Variants in MMP20 observed in about 807,000 individuals in gnomAD.
The protein encoded by MMP20 is matrix metalloproteinase-20.
MMP20 carries 50 observed loss-of-function variants against 51.8 expected under a neutral mutation model. That is an observed-to-expected ratio of 0.97 (90% CI 0.77 to 1.22). The LOEUF (loss-of-function observed/expected upper bound fraction) is 1.22. MMP20 is among the 50% of genes most tolerant of loss of function. The probability of loss-of-function intolerance (pLI) is 0.00; values close to 1 mark genes in which losing one functional copy is unlikely to be tolerated. For missense variants in MMP20, 663 were observed against 601.4 expected, an observed-to-expected ratio of 1.10 and a Z score of -1.07; for synonymous variants, 244 against 216.2, an observed-to-expected ratio of 1.13 and a Z score of -1.13.
At chr11:102,616,472 TA>T (rs1409238184) in intron 2 of MMP20, among the ~76,000 whole-genome samples, 2 of 152,226 alleles carry the variant, frequency 1.3e-5, no homozygotes, top group Non-Finnish European at 2.9e-5. Context: ...ATTAGTAGGT[TA>T]TTTTTTTCTT....
intron 1 of MMP20, among the ~76,000 whole-genome samples, chr11:102,622,506 A>G (rs1859763933): frequency 6.6e-6 from 1 of 152,092 alleles, no homozygotes; most frequent in Non-Finnish European, 1.5e-5. Flanking sequence ...TCTTTCATGC[A>G]GCTCAGGTTC....
At chr11:102,619,679 T>C (rs2459477) in intron 1 of MMP20, among the ~76,000 whole-genome samples, 113,246 of 152,112 alleles carry the variant, frequency 0.74, 42,559 homozygotes, top group East Asian at 0.98. Flanking sequence ...CCCTGAATCA[T>C]AGAAAAGTAT....
At chr11:102,593,046 C>T (rs1278780197) in intron 8 of MMP20, among the ~76,000 whole-genome samples, 1 of 152,214 alleles carries the variant, frequency 6.6e-6, no homozygotes, top group Non-Finnish European at 1.5e-5. Context: ...GGACCATCTC[C>T]ATTTTGCCCC....
intron 8 of MMP20, among the ~76,000 whole-genome samples, chr11:102,589,519 A>G (rs928663278): frequency 2.0e-5 from 3 of 152,210 alleles, no homozygotes; most frequent in African/African-American, 7.2e-5. Context: ...TTATTATGTG[A>G]CAGGCATTTC....
At chr11:102,595,667 A>C (rs1167453047) in intron 6 of MMP20, among the ~76,000 whole-genome samples, 1 of 152,214 alleles carries the variant, frequency 6.6e-6, no homozygotes, top group Non-Finnish European at 1.5e-5. Flanking sequence ...ATGGCTAGTT[A>C]ACAGAAAATC....
At position 102,616,932 on chromosome 11, in the gene MMP20, C is replaced by T. The variant is rs200482846; in HGVS notation, c.254G>A (p.Gly85Glu). The change falls in exon 2 of 10, where the codon GGG becomes GAG. Residue 85 changes from glycine (G) to glutamate (E), a missense_variant. Transcript: ENST00000260228. ...LQAFFGLQVT[G>E]KLDQTTMNVI... is the part of the protein sequence containing the mutation. The stretch of plus-strand genomic sequence containing the variant: ...GTTCATTGTGGTCTGGTCTAACTTC[C>T]CGGTGACTTGGAGGCCAAAGAACGC... 2.3e-4 allele frequency: 371 copies of T among 1,614,084 alleles called. 1 individual carries two copies. The highest frequency in any genetic ancestry group is 1.6e-4 in the Non-Finnish European group (185 of 1,180,046).
At chr11:102,594,205 G>A (rs371032064) in intron 7 of MMP20, among the ~76,000 whole-genome samples, 54 of 152,300 alleles carry the variant, frequency 3.5e-4, no homozygotes, top group African/African-American at 1.1e-3. Flanking sequence ...AGTCAAAGGC[G>A]TCCTCCTCTC....
intron 4 of MMP20, 70 bp downstream of exon 4, chr11:102,609,835 C>G: frequency 6.2e-7 from 1 of 1,609,106 alleles, no homozygotes; most frequent in South Asian, 1.1e-5. Context: ...CGTTGAACCT[C>G]AAGGTTTCAT....
chr11:102,587,467 T>C (rs1238053706), intron 8 of MMP20, among the ~76,000 whole-genome samples: 1 of 152,218 alleles, frequency 6.6e-6, no homozygotes, highest in African/African-American at 2.4e-5. Context: ...TTAGGTCTAG[T>C]TGGTTTACAG....
chr11:102,598,048 T>TG (rs5794183), intron 6 of MMP20, among the ~76,000 whole-genome samples: 77,686 of 151,520 alleles, frequency 0.51, 20,412 homozygotes, highest in South Asian at 0.67. Flanking sequence ...ATTACAGGCG[T>TG]AGACACCATG....
At chr11:102,610,213 G>T (rs1235255557) in intron 3 of MMP20, among the ~76,000 whole-genome samples, 183 bp from the exon 4 acceptor site, 1 of 152,034 alleles carries the variant, frequency 6.6e-6, no homozygotes, top group Non-Finnish European at 1.5e-5. Flanking sequence ...AAATAAAAAA[G>T]GCTAATTCAT....
chr11:102,579,527 G>T (rs968191752), intron 8 of MMP20, among the ~76,000 whole-genome samples: 5 of 151,968 alleles, frequency 3.3e-5, no homozygotes, highest in Non-Finnish European at 5.9e-5. Flanking sequence ...GCCCAGGCTG[G>T]TCTCAAACTC....
rs1226871901 is a variant in MMP20, at chr11:102,616,921, G to C, written c.265C>G (p.Gln89Glu). 6.2e-7 allele frequency: 1 copy of C among 1,614,070 alleles called. No individual in the cohort carries two copies. The highest frequency in any genetic ancestry group is 8.5e-7 in the Non-Finnish European group (1 of 1,180,048). ...FGLQVTGKLD[Q>E]TTMNVIKKPR... is the part of the protein sequence containing the mutation. ...TTCTTGATCACGTTCATTGTGGTCT[G>C]GTCTAACTTCCCGGTGACTTGGAGG... The change falls in exon 2 of 10, where the codon CAG becomes GAG. Residue 89 changes from glutamine (Q) to glutamate (E), a missense_variant. By Grantham distance (29) the Gln-to-Glu change is conservative. Transcript: ENST00000260228.
At chr11:102,619,803 G>A (rs529227823) in intron 1 of MMP20, among the ~76,000 whole-genome samples, 14 of 150,280 alleles carry the variant, frequency 9.3e-5, no homozygotes, top group African/African-American at 2.2e-4. Context: ...ATGAACCTGC[G>A]TAATTTTTAT....
At chr11:102,611,633 T>C in intron 3 of MMP20, 122 bp downstream of exon 3, 3 of 1,237,468 alleles carry the variant, frequency 2.4e-6, no homozygotes, top group South Asian at 1.3e-5. Flanking sequence ...GGTCTTGGCC[T>C]TGGCCCATCA....
intron 1 of MMP20, among the ~76,000 whole-genome samples, chr11:102,624,292 G>A (rs17174342): frequency 0.062 from 9,381 of 152,076 alleles, 354 homozygotes; most frequent in Non-Finnish European, 0.072. Flanking sequence ...GTGTGCAAAA[G>A]CATTTCCTCT....
intron 5 of MMP20, chr11:102,607,171 A>T (rs1269833329): frequency 1.1e-5 from 2 of 174,260 alleles, no homozygotes; most frequent in African/African-American, 4.8e-5. Context: ...ACTCCTTGGC[A>T]TCCTGCCCTG....
chr11:102,606,513 C>T (rs544247299), intron 6 of MMP20, 22 bp downstream of exon 6: 35 of 1,613,532 alleles, frequency 2.2e-5, no homozygotes, highest in Admixed American at 1.5e-4. Flanking sequence ...CAATGAGAGT[C>T]GGTGGCGTGT....
At position 102,609,905 on chromosome 11, in the gene MMP20, C is replaced by A; in HGVS notation, c.649G>T (p.Gly217Cys). The A allele has an allele frequency of 6.2e-7, 1 of 1,614,024 alleles. No individual in the cohort carries two copies. The change falls in exon 4 of 10, where the codon GGT becomes TGT. Residue 217 changes from glycine to cysteine, a missense_variant and splice_region_variant. Coordinates refer to ENST00000260228, the MANE Select transcript of MMP20 (RefSeq NM_004771.4). ...GTTATGGTGAATTGTGCATATATAC[C>A]ATTCGTTCCCATAGTCCACTTCTCA... Reference protein sequence around the residue: ...NAEKWTMGTNGFNLFTVAAHE... With the variant: ...NAEKWTMGTNCFNLFTVAAHE...
Sources: gnomAD v4.1 joint callset for allele counts (sites outside exome capture counted in the v4.1 genomes callset) on GRCh38, gnomAD v4.1.1 for gene constraint, MANE v1.5 for transcripts, NCBI Gene and HGNC (gene_info 2026-07-23, HGNC 2026-07-21) for gene names.